Variants in ERC2 observed in about 807,000 individuals in gnomAD.
ERC2 encodes ELKS/RAB6-interacting/CAST family member 2.
ERC2 carries 42 observed loss-of-function variants against 114.8 expected under a neutral mutation model. The ratio of observed to expected loss-of-function variants is 0.37; its 90% confidence interval spans 0.29 to 0.47. The LOEUF is 0.47. Ranked by LOEUF, ERC2 falls within the 20% of genes least tolerant of loss-of-function variation. The pLI, the probability that ERC2 is intolerant of heterozygous loss-of-function variation, is 0.99. For missense variants in ERC2, 939 were observed against 1,150.7 expected (o/e 0.82, Z 2.66); for synonymous variants, 454 against 425.5 (o/e 1.07, Z -0.82).
rs753179214 is a variant in ERC2, at chr3:55,888,371, G to A, written c.2564+18C>T. On this transcript the variant is annotated intron_variant, in intron 14 of 17. Coordinates refer to ENST00000288221, the MANE Select transcript of ERC2 (RefSeq NM_015576.3). The stretch of plus-strand genomic sequence containing the variant: ...AGGCTAGAAGAGAGAGGCTACCAAA[G>A]CAGCAATGGGTACTCACTTCATCTC... The A allele has an allele frequency of 4.3e-6, 7 of 1,613,210 alleles. No homozygotes were observed. The African/African-American group carries it at 6.7e-5, about 15-fold the overall frequency.
At chr3:56,213,270 G>C (rs1446567484) in intron 3 of ERC2, among the ~76,000 whole-genome samples, 1 of 152,182 alleles carries the variant, frequency 6.6e-6, no homozygotes, top group Non-Finnish European at 1.5e-5. Flanking sequence ...TCCTAGCCAA[G>C]GAAAGGGGTG....
chr3:56,074,468 G>T (rs190885695), intron 7 of ERC2, among the ~76,000 whole-genome samples: 16 of 152,122 alleles, frequency 1.1e-4, no homozygotes, highest in Admixed American at 1.0e-3. Context: ...CATATAACCA[G>T]AAATTTCATT....
chr3:55,709,492 T>C (rs1235449871), intron 15 of ERC2, among the ~76,000 whole-genome samples: 1 of 151,894 alleles, frequency 6.6e-6, no homozygotes, highest in Non-Finnish European at 1.5e-5. Flanking sequence ...AAGGGAAGGG[T>C]AAAGCAAAGG....
At chr3:55,697,793 G>C (rs1484211093) in intron 16 of ERC2, among the ~76,000 whole-genome samples, 1 of 151,952 alleles carries the variant, frequency 6.6e-6, no homozygotes, top group Non-Finnish European at 1.5e-5. Context: ...ACTCAGGATG[G>C]TCTTCTAGCA....
chr3:55,989,084 G>A (rs1332674053), intron 11 of ERC2, among the ~76,000 whole-genome samples: 2 of 152,190 alleles, frequency 1.3e-5, no homozygotes, highest in African/African-American at 4.8e-5. Flanking sequence ...ACAATGCTCT[G>A]CTGCTGGACG....
intron 2 of ERC2, among the ~76,000 whole-genome samples, chr3:56,360,908 A>C (rs2150557978): frequency 6.6e-6 from 1 of 152,312 alleles, no homozygotes; most frequent in East Asian, 1.9e-4. Flanking sequence ...ACTCCATCTC[A>C]AAAATAAATA....
At chr3:56,064,703 C>G (rs769250546) in intron 7 of ERC2, among the ~76,000 whole-genome samples, 9 of 152,166 alleles carry the variant, frequency 5.9e-5, no homozygotes, top group Admixed American at 2.0e-4. Flanking sequence ...ATTTAGAGTA[C>G]ACTTTTAAAA....
At chr3:56,256,579 A>T (rs2150247340) in intron 3 of ERC2, among the ~76,000 whole-genome samples, 1 of 151,660 alleles carries the variant, frequency 6.6e-6, no homozygotes, top group South Asian at 2.1e-4. Flanking sequence ...AGGCAGCCTG[A>T]TGTAACAGAA....
intron 17 of ERC2, among the ~76,000 whole-genome samples, chr3:55,522,132 A>G (rs1846591): frequency 1.3e-5 from 2 of 152,054 alleles, no homozygotes; most frequent in Non-Finnish European, 2.9e-5. Flanking sequence ...ACACACTTCT[A>G]TGTGTTTTCT....
chr3:56,057,484 A>G (rs1392194647), intron 7 of ERC2, among the ~76,000 whole-genome samples: 1 of 152,204 alleles, frequency 6.6e-6, no homozygotes, highest in African/African-American at 2.4e-5. Context: ...GAAAGCCTCC[A>G]TCAAGACCCC....
At chr3:55,561,168 A>T (rs1326611333) in intron 17 of ERC2, among the ~76,000 whole-genome samples, 1 of 151,938 alleles carries the variant, frequency 6.6e-6, no homozygotes, top group Non-Finnish European at 1.5e-5. Flanking sequence ...AAAAAAAAAA[A>T]AATTAAGAGC....
At chr3:55,631,359 A>C (rs1046100144) in intron 17 of ERC2, among the ~76,000 whole-genome samples, 1 of 152,232 alleles carries the variant, frequency 6.6e-6, no homozygotes, top group Non-Finnish European at 1.5e-5. Flanking sequence ...CTAAATGCTC[A>C]GATGCACAAG....
intron 17 of ERC2, among the ~76,000 whole-genome samples, chr3:55,670,576 T>A (rs1226063587): frequency 6.6e-6 from 1 of 152,198 alleles, no homozygotes; most frequent in Non-Finnish European, 1.5e-5. Flanking sequence ...TGGGTTCGGA[T>A]CCTAGCTCTG....
chr3:56,312,584 A>G (rs1477091517), intron 2 of ERC2, among the ~76,000 whole-genome samples: 2 of 152,220 alleles, frequency 1.3e-5, no homozygotes, highest in African/African-American at 4.8e-5. Context: ...CATGTATCCC[A>G]TAAATATGTT....
intron 17 of ERC2, among the ~76,000 whole-genome samples, chr3:55,541,318 C>G (rs1466191986): frequency 6.6e-6 from 1 of 152,070 alleles, no homozygotes; most frequent in Non-Finnish European, 1.5e-5. Context: ...TACAAAGACG[C>G]TGAAACAGCC....
intron 3 of ERC2, among the ~76,000 whole-genome samples, chr3:56,237,858 C>T (rs1166789479): frequency 6.7e-6 from 1 of 149,898 alleles, no homozygotes; most frequent in African/African-American, 2.4e-5. Flanking sequence ...GAATTATACC[C>T]TATTTAAATG....
At chr3:56,132,219 C>T (rs2080245029) in intron 6 of ERC2, among the ~76,000 whole-genome samples, 2 of 152,174 alleles carry the variant, frequency 1.3e-5, no homozygotes, top group Non-Finnish European at 2.9e-5. Flanking sequence ...AGAGTTGTAG[C>T]TTTACCAAGA....
At chr3:55,834,939 A>G (rs2060801877) in intron 14 of ERC2, among the ~76,000 whole-genome samples, 1 of 151,026 alleles carries the variant, frequency 6.6e-6, no homozygotes, top group Admixed American at 6.6e-5. Flanking sequence ...TCCCACAGAA[A>G]TACAAACTAC....
At chr3:56,295,472 C>A (rs576334426) in intron 3 of ERC2, among the ~76,000 whole-genome samples, 1 of 152,302 alleles carries the variant, frequency 6.6e-6, no homozygotes, top group African/African-American at 2.4e-5. Context: ...AACACATACT[C>A]AGAAAACCTG....
Sources: gnomAD v4.1 joint callset for allele counts (sites outside exome capture counted in the v4.1 genomes callset) on GRCh38, gnomAD v4.1.1 for gene constraint, MANE v1.5 for transcripts, NCBI Gene and HGNC (gene_info 2026-07-23, HGNC 2026-07-21) for gene names.